Variants in APBB2 observed in about 807,000 individuals in gnomAD.
APBB2 encodes Fe65-like 1.
In APBB2, 38 loss-of-function variants were observed where a neutral mutation model predicts 82.5. The ratio of observed to expected loss-of-function variants is 0.46; its 90% CI spans 0.36 to 0.60. APBB2 has a LOEUF of 0.60. Ranked by LOEUF, APBB2 falls within the 20% of genes least tolerant of loss-of-function variation. APBB2 has a pLI of 0.00. For missense variants in APBB2, 772 were observed against 972.3 expected (o/e 0.79, Z 2.74); for synonymous variants, 341 against 368.2 (o/e 0.93, Z 0.85).
intron 6 of APBB2, among the ~76,000 whole-genome samples, chr4:40,953,673 G>T (rs1578711709): frequency 1.3e-5 from 2 of 152,146 alleles, no homozygotes; most frequent in Non-Finnish European, 2.9e-5. Context: ...AAGCCTTAAA[G>T]ATCAAATTCC....
rs1341131760 is a variant in APBB2 at position 41,214,448 on chromosome 4, C to T, written c.-460G>A. 2 of 152,472 alleles carry T rather than the reference C, an allele frequency of 1.3e-5. No homozygotes were observed. Among genetic ancestry groups the T allele is most frequent in the Non-Finnish European group, 2.9e-5 (2 of 68,246 alleles). 9.4% of individuals were successfully genotyped at this position (152,472 alleles called of 1,614,324 possible). A position where few individuals can be genotyped will look rare whatever the true frequency, so the allele number is the denominator to read the frequency against. ...TCGCCTCGGCTCCGGCGCCCAGCGG[C>T]TCTGCTCCAGTCTCGCCCTTCCCGG... On this transcript the variant is annotated 5_prime_UTR_variant, in exon 1 of 18. Transcript: ENST00000508593.
intron 1 of APBB2, among the ~76,000 whole-genome samples, chr4:41,164,902 T>C (rs1244319484): frequency 6.6e-6 from 1 of 152,224 alleles, no homozygotes; most frequent in Non-Finnish European, 1.5e-5. Context: ...TTTAAGTACA[T>C]ATTAAAATTA....
At chr4:40,971,224 G>A (rs1437351098) in intron 6 of APBB2, among the ~76,000 whole-genome samples, 3 of 151,986 alleles carry the variant, frequency 2.0e-5, no homozygotes, top group Admixed American at 6.6e-5. Flanking sequence ...ACTCTAGGAG[G>A]AAGAAAAAAA....
intron 1 of APBB2, among the ~76,000 whole-genome samples, chr4:41,194,651 A>G: frequency 6.6e-6 from 1 of 152,112 alleles, no homozygotes; most frequent in Admixed American, 6.5e-5. Context: ...GTGACAGAGC[A>G]AGACCTTGCC....
At chr4:40,971,287 C>T (rs1425383233) in intron 6 of APBB2, among the ~76,000 whole-genome samples, 1 of 152,130 alleles carries the variant, frequency 6.6e-6, no homozygotes, top group African/African-American at 2.4e-5. Context: ...CTTTTTAAAC[C>T]TGAATTCTCT....
At chr4:41,054,939 G>A (rs564336641) in intron 4 of APBB2, among the ~76,000 whole-genome samples, 1 of 152,052 alleles carries the variant, frequency 6.6e-6, no homozygotes, top group Non-Finnish European at 1.5e-5. Context: ...CACCCTAGAT[G>A]CCCTGCACCT....
chr4:40,879,755 A>G (rs947575352), intron 12 of APBB2, among the ~76,000 whole-genome samples: 4 of 151,116 alleles, frequency 2.6e-5, no homozygotes, highest in Admixed American at 2.6e-4. Flanking sequence ...GCAATGGCAC[A>G]ATCTCGGCTC....
intron 7 of APBB2, among the ~76,000 whole-genome samples, chr4:40,939,922 C>T (rs1786390844): frequency 6.6e-6 from 1 of 152,134 alleles, no homozygotes; most frequent in Non-Finnish European, 1.5e-5. Flanking sequence ...TCTCTGTGAG[C>T]AGCAGTGCAA....
intron 1 of APBB2, among the ~76,000 whole-genome samples, chr4:41,210,350 T>C (rs565492920): frequency 2.6e-5 from 4 of 152,212 alleles, no homozygotes; most frequent in Admixed American, 2.6e-4. Flanking sequence ...CCCAGAGACA[T>C]AACTGACTTT....
chr4:40,828,386 G>C (rs979038778), intron 13 of APBB2, among the ~76,000 whole-genome samples: 3 of 152,134 alleles, frequency 2.0e-5, no homozygotes, highest in African/African-American at 7.2e-5. Context: ...CCCAGACTAA[G>C]TTTTCCATTC....
At chr4:41,193,841 T>G in intron 1 of APBB2, 1 of 151,992 alleles carries the variant, frequency 6.6e-6, no homozygotes, top group South Asian at 2.1e-4. Flanking sequence ...CAAGTAAAAA[T>G]AGTAAAAATA....
intron 1 of APBB2, among the ~76,000 whole-genome samples, chr4:41,148,375 AC>A (rs1274914401): frequency 6.6e-6 from 1 of 152,234 alleles, no homozygotes; most frequent in Admixed American, 6.5e-5. Context: ...AGCCTCTTTA[AC>A]CTCTGTTCCA....
chr4:40,966,029 T>C (rs1794579642), intron 6 of APBB2, among the ~76,000 whole-genome samples: 1 of 152,166 alleles, frequency 6.6e-6, no homozygotes, highest in Non-Finnish European at 1.5e-5. Context: ...ACAAAGAATA[T>C]CCTAATATAA....
chr4:41,057,522 CAGAA>C (rs1405625011), intron 4 of APBB2, among the ~76,000 whole-genome samples: 2 of 152,202 alleles, frequency 1.3e-5, no homozygotes, highest in Non-Finnish European at 2.9e-5. Flanking sequence ...ATATTCATAA[CAGAA>C]AGGTCTAGAA....
At chr4:40,865,541 A>C (rs1763848533) in intron 12 of APBB2, among the ~76,000 whole-genome samples, 1 of 152,222 alleles carries the variant, frequency 6.6e-6, no homozygotes, top group Non-Finnish European at 1.5e-5. Flanking sequence ...TGTCATAAAA[A>C]GGGGGTCCTG....
At chr4:41,152,808 T>C (rs1435103435) in intron 1 of APBB2, among the ~76,000 whole-genome samples, 1 of 152,224 alleles carries the variant, frequency 6.6e-6, no homozygotes, top group Non-Finnish European at 1.5e-5. Context: ...GGGCACTATC[T>C]TCCTAGAGCC....
intron 2 of APBB2, among the ~76,000 whole-genome samples, chr4:41,136,420 A>T (rs546319011): frequency 6.6e-6 from 1 of 152,358 alleles, no homozygotes; most frequent in East Asian, 1.9e-4. Flanking sequence ...TATGGCTTTG[A>T]CTTTAAATGA....
At chr4:41,036,495 G>A (rs559416670) in intron 4 of APBB2, among the ~76,000 whole-genome samples, 44 of 152,284 alleles carry the variant, frequency 2.9e-4, no homozygotes, top group South Asian at 1.5e-3. Context: ...TATGCTAGGA[G>A]CAGGGGATAC....
intron 6 of APBB2, among the ~76,000 whole-genome samples, chr4:40,965,643 A>ATC (rs1252599053): frequency 6.6e-6 from 1 of 152,216 alleles, no homozygotes; most frequent in Non-Finnish European, 1.5e-5. Context: ...AGATGATTAA[A>ATC]ATTAACCTCG....
Sources: allele counts gnomAD v4.1 joint callset (sites outside exome capture counted in the v4.1 genomes callset), GRCh38; gene constraint gnomAD v4.1.1; transcripts MANE v1.5; gene names NCBI Gene and HGNC (gene_info 2026-07-23, HGNC 2026-07-21).